Variants in ZDHHC9 observed in about 807,000 individuals in gnomAD.
ZDHHC9 encodes zDHHC palmitoyltransferase 9, also known as palmitoyltransferase ZDHHC9.
ZDHHC9 carries 3 observed loss-of-function variants against 26.6 expected under a neutral mutation model. The ratio of observed to expected loss-of-function variants is 0.11; its 90% CI spans 0.05 to 0.29. The LOEUF (loss-of-function observed/expected upper bound fraction) is 0.29, where lower values mean the gene tolerates loss of function less well. Ranked by LOEUF, ZDHHC9 falls within the 10% of genes least tolerant of loss-of-function variation. The probability of loss-of-function intolerance (pLI) is 1.00; values close to 1 mark genes in which losing one functional copy is unlikely to be tolerated. For missense variants in ZDHHC9, 146 were observed against 296.4 expected, an observed-to-expected ratio of 0.49 and a Z score of 3.73; for synonymous variants, 111 against 109.4, an observed-to-expected ratio of 1.01 and a Z score of -0.09.
At chrX:129,812,952 T>C (rs1020885780) in intron 7 of ZDHHC9, 132 bp from the exon 8 acceptor site, 4 of 509,850 alleles carry the variant, frequency 7.8e-6, no homozygotes, top group Middle Eastern at 4.7e-4. Context: ...TTTCCATATA[T>C]AACAATAGAT....
At chrX:129,839,948 C>G (rs1440886023) in intron 3 of ZDHHC9, among the ~76,000 whole-genome samples, 1 of 111,661 alleles carries the variant, frequency 9.0e-6, no homozygotes, top group Non-Finnish European at 1.9e-5. Context: ...CAAATAACCT[C>G]ACCCTTCAAA....
intron 5 of ZDHHC9, among the ~76,000 whole-genome samples, chrX:129,821,163 G>A (rs1220671487): frequency 8.9e-6 from 1 of 111,951 alleles, no homozygotes; most frequent in Non-Finnish European, 1.9e-5. Flanking sequence ...AGGTTGCGGG[G>A]AAATAGGAAC....
At chrX:129,813,542 A>AT (rs1927692616) in intron 7 of ZDHHC9, 135 bp downstream of exon 7, 17 of 664,572 alleles carry the variant, frequency 2.6e-5, no homozygotes, top group African/African-American at 4.4e-5. Context: ...CTAAGACTAT[A>AT]TTTTTTTAAA....
At position 129,812,778 on chromosome X, in the gene ZDHHC9, G is replaced by A. The variant is rs1401761833; in HGVS notation, c.717C>T (p.Val239=). The A allele has an allele frequency of 1.2e-5, 15 of 1,211,122 alleles. No homozygotes were observed. The highest frequency in any genetic ancestry group is 3.0e-5 in the East Asian group (1 of 33,830). Residue 239 remains valine (V), a synonymous_variant, in exon 8 of 11, where the codon GTC becomes GTT. Transcript: ENST00000357166. ...AAGTATGAAATCCAGTCAGTCCCACGACGGACCAGAGTGTAAAGAAGCAAA... is the reference window on the plus strand; with the variant it reads ...AAGTATGAAATCCAGTCAGTCCCACAACGGACCAGAGTGTAAAGAAGCAAA... The part of the protein sequence containing the change: ...VLICFFTLWS[V]VGLTGFHTFL...
intron 8 of ZDHHC9, among the ~76,000 whole-genome samples, chrX:129,812,499 C>CCACCCAA (rs1352809377): frequency 8.9e-6 from 1 of 112,119 alleles, no homozygotes; most frequent in Non-Finnish European, 1.9e-5. Flanking sequence ...GGCTGTATAC[C>CCACCCAA]CACCCAACTT....
chrX:129,842,851 GA>G (rs1439755474), intron 2 of ZDHHC9, among the ~76,000 whole-genome samples: 1 of 112,766 alleles, frequency 8.9e-6, no homozygotes, highest in Non-Finnish European at 1.9e-5. Context: ...TTAAGCAGGA[GA>G]GATTCTGGAA....
intron 5 of ZDHHC9, chrX:129,823,425 G>T (rs994861875): frequency 1.0e-5 from 4 of 391,134 alleles, no homozygotes; most frequent in African/African-American, 1.0e-4. Context: ...AATAGGTAAA[G>T]TTTATTTTTC....
intron 3 of ZDHHC9, among the ~76,000 whole-genome samples, chrX:129,833,170 C>T (rs955495109): frequency 5.4e-5 from 6 of 111,380 alleles, no homozygotes; most frequent in Non-Finnish European, 7.5e-5. Flanking sequence ...TTTATAAATG[C>T]AACCATGTCC....
intron 6 of ZDHHC9, 130 bp from the exon 7 acceptor site, chrX:129,813,855 C>T (rs1927700656): frequency 2.0e-5 from 12 of 601,978 alleles, no homozygotes; most frequent in East Asian, 3.6e-5. Flanking sequence ...TAAGCTCTCA[C>T]TCGGGCAAGG....
At chrX:129,833,216 T>G (rs1329362130) in intron 3 of ZDHHC9, among the ~76,000 whole-genome samples, 1 of 111,415 alleles carries the variant, frequency 9.0e-6, no homozygotes, top group African/African-American at 3.3e-5. Context: ...TGAAGAGACA[T>G]CATCATTTTA....
intron 10 of ZDHHC9, 119 bp downstream of exon 10, chrX:129,810,786 G>A: frequency 1.7e-6 from 1 of 585,440 alleles, no homozygotes; most frequent in Non-Finnish European, 2.9e-6. Flanking sequence ...CATCAGGGCA[G>A]GTGTAGAGGC....
rs191476246 is a variant in ZDHHC9 at position 129,814,368 on chromosome X, C to T, written c.625+290G>A. On this transcript the variant is annotated intron_variant, in intron 6 of 10. Coordinates refer to ENST00000357166, the MANE Select transcript of ZDHHC9 (RefSeq NM_016032.4). ...GCTCCGAGACAAAATACATCCCCAG[C>T]CTTTGGGATTACCTCAGAAATGCCC... 4.5e-5 allele frequency among the ~76,000 whole-genome samples: 5 copies of T among 111,953 alleles called. No homozygotes were observed. The East Asian group carries it at 1.4e-3, about 31-fold the overall frequency.
intron 10 of ZDHHC9, among the ~76,000 whole-genome samples, chrX:129,810,481 C>T (rs759779619): frequency 1.8e-5 from 2 of 111,935 alleles, no homozygotes; most frequent in Non-Finnish European, 3.8e-5. Flanking sequence ...AAGCCCCCTT[C>T]TACCACAGTA....
At chrX:129,823,629 T>C (rs1244043132) in intron 5 of ZDHHC9, 50 bp downstream of exon 5, 3 of 1,202,652 alleles carry the variant, frequency 2.5e-6, no homozygotes, top group Non-Finnish European at 3.4e-6. Flanking sequence ...CCTGACTTTC[T>C]AGTTCAACTC....
chrX:129,832,806 A>AATAAATAAATAAATAAATAAATAC (rs1556007928), intron 3 of ZDHHC9, among the ~76,000 whole-genome samples: 72 of 107,245 alleles, frequency 6.7e-4, no homozygotes, highest in African/African-American at 2.4e-3. Flanking sequence ...TAAATAAATA[A>AATAAATAAATAAATAAATAAATAC]ATAAATACAT....
At chrX:129,828,836 G>C (rs16999570) in intron 4 of ZDHHC9, 145 bp downstream of exon 4, 16 of 785,760 alleles carry the variant, frequency 2.0e-5, no homozygotes, top group Middle Eastern at 4.3e-4. Flanking sequence ...CTAAATTCAC[G>C]GGGTAGTCAT....
Sources: allele counts gnomAD v4.1 joint callset (sites outside exome capture counted in the v4.1 genomes callset), GRCh38; gene constraint gnomAD v4.1.1; transcripts MANE v1.5; gene names NCBI Gene and HGNC (gene_info 2026-07-23, HGNC 2026-07-21).